Variants in UTRN observed in about 807,000 individuals in gnomAD.
UTRN encodes the protein dystrophin-related protein 1.
A neutral mutation model predicts 463.9 loss-of-function variants in UTRN; 283 were observed. That is an observed-to-expected ratio of 0.61 (90% confidence interval 0.55 to 0.67). The LOEUF (loss-of-function observed/expected upper bound fraction) is 0.67. Among genes scored for constraint, UTRN ranks in the 30% least tolerant of loss-of-function variants. The pLI is 0.00. For synonymous variants in UTRN, 1,442 were observed against 1,431.5 expected, an observed-to-expected ratio of 1.01 and a Z score of -0.17; for missense variants, 3,922 against 4,084.3, an observed-to-expected ratio of 0.96 and a Z score of 1.08.
At position 144,540,148 on chromosome 6, in the gene UTRN, T is replaced by G. The variant is rs76372264; in HGVS notation, c.6519+705T>G. Among the ~76,000 whole-genome samples the G allele has an allele frequency of 2.5e-3, 378 of 152,222 alleles. 12 individuals are homozygous for G. The East Asian group carries it at 0.058, about 24-fold the overall frequency. On this transcript the variant is annotated intron_variant, in intron 45 of 74. Coordinates refer to ENST00000367545, the MANE Select transcript of UTRN (RefSeq NM_007124.3). ...AATGATTTTTTTCATTAAATATATA[T>G]TTACTAGGTTCCAGTGAAATGTAAT...
intron 12 of UTRN, among the ~76,000 whole-genome samples, chr6:144,439,860 G>A (rs1344006454): frequency 6.6e-6 from 1 of 152,134 alleles, no homozygotes; most frequent in East Asian, 1.9e-4. Flanking sequence ...GAAAAGGCGA[G>A]AGAATCTAAG....
chr6:144,524,034 G>A (rs1403513669), intron 41 of UTRN, among the ~76,000 whole-genome samples: 2 of 152,190 alleles, frequency 1.3e-5, no homozygotes, highest in African/African-American at 4.8e-5. Context: ...GGAAAGCGCT[G>A]TATAAGAGGA....
chr6:144,403,173 C>T lies in UTRN; in HGVS notation c.130C>T (p.Arg44Ter), dbSNP rs947850025. 8 of 1,613,108 alleles carry T rather than the reference C, an allele frequency of 5.0e-6. No individual in the cohort carries two copies. The Admixed American group carries it at 5.0e-5, about 10-fold the overall frequency. ...KKTFTKWINA[R>*]FSKSGKPPIN... Reference sequence around the variant, plus strand: ...AACCTTTACCAAATGGATAAATGCTCGATTTTCAAAGGTAACTGAGACTTT... The same window carrying T: ...AACCTTTACCAAATGGATAAATGCTTGATTTTCAAAGGTAACTGAGACTTT... The change falls in exon 3 of 75, where the codon CGA becomes TGA. Residue 44 changes from arginine to a stop codon, truncating the protein, a stop_gained. Transcript: ENST00000367545. LOFTEE classifies it high-confidence loss of function.
chr6:144,586,583 T>A (rs557595591), intron 51 of UTRN, among the ~76,000 whole-genome samples: 6 of 152,188 alleles, frequency 3.9e-5, no homozygotes, highest in Non-Finnish European at 8.8e-5. Flanking sequence ...TTGTTTTTAT[T>A]GTTACGTGAT....
At chr6:144,755,154 T>G (rs886343934) in intron 57 of UTRN, among the ~76,000 whole-genome samples, 3 of 152,166 alleles carry the variant, frequency 2.0e-5, no homozygotes, top group Admixed American at 6.6e-5. Flanking sequence ...TAAATTAATT[T>G]TTCTGCTTAA....
chr6:144,667,038 C>A (rs946118460), intron 51 of UTRN, among the ~76,000 whole-genome samples: 54 of 151,180 alleles, frequency 3.6e-4, no homozygotes, highest in African/African-American at 1.2e-3. Flanking sequence ...TCCTCCTCCT[C>A]CTCCTCCTCC....
intron 42 of UTRN, among the ~76,000 whole-genome samples, chr6:144,532,619 T>C (rs558430566): frequency 3.9e-4 from 59 of 152,300 alleles, no homozygotes; most frequent in Non-Finnish European, 7.4e-4. Flanking sequence ...CCAAACCATA[T>C]CAACCAGTGA....
chr6:144,544,165 A>T (rs567363559), intron 46 of UTRN, among the ~76,000 whole-genome samples: 46 of 152,308 alleles, frequency 3.0e-4, no homozygotes, highest in African/African-American at 1.0e-3. Context: ...TTTTAACAGG[A>T]TATTCGTCCT....
intron 51 of UTRN, among the ~76,000 whole-genome samples, chr6:144,604,332 G>A (rs1472652535): frequency 2.0e-5 from 3 of 152,202 alleles, no homozygotes; most frequent in Non-Finnish European, 4.4e-5. Context: ...TATGAATGAT[G>A]TTGCCTGAAG....
chr6:144,797,975 C>A lies in UTRN; in HGVS notation c.9230C>A (p.Pro3077Gln). 1.2e-6 allele frequency: 2 copies of A among 1,613,996 alleles called. No individual in the cohort carries two copies. Among genetic ancestry groups the A allele is most frequent in the Non-Finnish European group, 1.7e-6 (2 of 1,179,976 alleles). Residue 3077 changes from proline (P) to glutamine (Q), a missense_variant, in exon 64 of 75, where the codon CCA (proline) becomes CAA (glutamine). This residue lies in a region of UTRN where 1,309 missense variants were observed against 1,452.6 expected (regional missense o/e 0.90). Transcript: ENST00000367545. ...AAATGCAACATCTGTAAAGAATGTC[C>A]AATTGTCGGGTTCAGGTAAGGCGTG... The part of the protein sequence containing the change: ...QAKCNICKEC[P>Q]IVGFRYRSLK...
chr6:144,566,122 C>T (rs185071897), intron 50 of UTRN, among the ~76,000 whole-genome samples: 2 of 152,164 alleles, frequency 1.3e-5, no homozygotes, highest in Admixed American at 6.5e-5. Context: ...GAAAAGTCAA[C>T]GAGAAGGTGA....
chr6:144,724,659 G>A (rs1562820956), intron 53 of UTRN, among the ~76,000 whole-genome samples: 1 of 151,546 alleles, frequency 6.6e-6, no homozygotes, highest in African/African-American at 2.4e-5. Context: ...TTGCCTGTTT[G>A]GGACATTGCA....
At chr6:144,782,202 AT>A (rs1424784474) in intron 61 of UTRN, 79 bp downstream of exon 61, 5 of 1,243,684 alleles carry the variant, frequency 4.0e-6, no homozygotes, top group Non-Finnish European at 5.4e-6. Flanking sequence ...TTTTAAGTGA[AT>A]TTTTTAATAA....
At chr6:144,658,582 A>T (rs941018380) in intron 51 of UTRN, among the ~76,000 whole-genome samples, 1 of 152,186 alleles carries the variant, frequency 6.6e-6, no homozygotes, top group Non-Finnish European at 1.5e-5. Flanking sequence ...CAAAAAAAGT[A>T]AACTTACTTA....
In UTRN at chr6:144,852,001, G is replaced by A. The variant is rs1021877069; in HGVS notation, c.*1004G>A. The A allele has an allele frequency of 6.0e-5, 9 of 150,894 alleles. No homozygotes were observed. The highest frequency in any genetic ancestry group is 1.0e-4 in the Non-Finnish European group (7 of 67,946). The allele number at this position is 150,894 out of a possible 1,614,324, so 9.3% of individuals were successfully genotyped here. A position where few individuals can be genotyped will look rare whatever the true frequency, so the allele number is the denominator to read the frequency against. On this transcript the variant is annotated 3_prime_UTR_variant, in exon 75 of 75. Coordinates refer to ENST00000367545, the MANE Select transcript of UTRN (RefSeq NM_007124.3). ...ATACCAGAACACATCATTGTCTTTG[G>A]TTCCCTTCAAAGAGAATTTTATTGT...
Position 144,522,069 on chromosome 6 carries a change from C to T in UTRN, c.5631C>T (p.Asn1877=), listed in dbSNP as rs746079441. 1.3e-6 allele frequency: 2 copies of T among 1,594,470 alleles called. No individual in the cohort carries two copies. Among genetic ancestry groups the T allele is most frequent in the Non-Finnish European group, 1.7e-6 (2 of 1,171,888 alleles). Reference sequence around the variant, plus strand: ...CTACAGATTATCTGGTTGAAATTAACAAAATTTTACTTTGCATGGATGATG... The same window carrying T: ...CTACAGATTATCTGGTTGAAATTAATAAAATTTTACTTTGCATGGATGATG... ...LLPTDYLVEI[N]KILLCMDDVE... is the part of the protein sequence containing the mutation. Residue 1877 remains asparagine, a synonymous_variant, in exon 40 of 75, where the codon AAC becomes AAT. Transcript: ENST00000367545.
In UTRN at chr6:144,442,816, C is replaced by T. The variant is rs74968522; in HGVS notation, c.1513-1465C>T. 0.012 allele frequency among the ~76,000 whole-genome samples: 1,797 copies of T among 152,300 alleles called. 71 individuals are homozygous for T. The East Asian group carries it at 0.14, about 12-fold the overall frequency. On this transcript the variant is annotated intron_variant, in intron 13 of 74. Coordinates refer to ENST00000367545, the MANE Select transcript of UTRN (RefSeq NM_007124.3). ...GGATGGAGACACAGGCAAACCATAT[C>T]ACACAGGAGCTGATCTTATTAAGTG...
At chr6:144,805,551 G>T (rs1778075941) in intron 65 of UTRN, among the ~76,000 whole-genome samples, 1 of 152,202 alleles carries the variant, frequency 6.6e-6, no homozygotes, top group Non-Finnish European at 1.5e-5. Flanking sequence ...TTGGGCTGCA[G>T]AAAGTGAAGC....
At chr6:144,641,239 G>A (rs180751956) in intron 51 of UTRN, among the ~76,000 whole-genome samples, 2 of 152,196 alleles carry the variant, frequency 1.3e-5, no homozygotes, top group East Asian at 3.9e-4. Context: ...GATTTACATT[G>A]GTTCGATCTG....
Sources: allele counts gnomAD v4.1 joint callset (sites outside exome capture counted in the v4.1 genomes callset), GRCh38; gene constraint gnomAD v4.1.1; regional missense constraint gnomAD v4.1.1; transcripts MANE v1.5; gene names NCBI Gene and HGNC (gene_info 2026-07-23, HGNC 2026-07-21).